DLGAP2: variants seen among roughly 807,000 people sequenced by gnomAD.
The protein encoded by DLGAP2 is DLG associated protein 2, also known as disks large-associated protein 2.
DLGAP2 carries 26 observed loss-of-function variants against 100.3 expected under a neutral mutation model. The ratio of observed to expected loss-of-function variants is 0.26; its 90% CI spans 0.19 to 0.36. The LOEUF (loss-of-function observed/expected upper bound fraction) is 0.36. Among genes scored for constraint, DLGAP2 ranks in the 10% least tolerant of loss-of-function variants. DLGAP2 has a pLI of 1.00. For missense variants in DLGAP2, 1,858 were observed against 1,453.2 expected (o/e 1.28, Z -4.53); for synonymous variants, 886 against 630.1 (o/e 1.41, Z -6.08).
rs866468055 is a variant in DLGAP2, at chr8:1,316,199, C to G, written c.106+57316C>G. ...ACTCAGCAGCGTTTAAAAATAGAGC[C>G]TGTACGAGTGCAGCGTCTCTCCAAC... On this transcript the variant is annotated intron_variant, in intron 3 of 14. Coordinates refer to ENST00000637795, the MANE Select transcript of DLGAP2 (RefSeq NM_001346810.2). Among the ~76,000 whole-genome samples the G allele has an allele frequency of 8.6e-4, 93 of 108,182 alleles. 1 individual carries two copies. The highest frequency in any genetic ancestry group is 2.9e-3 in the African/African-American group (81 of 28,122). 71.0% of individuals were successfully genotyped at this position (108,182 alleles called of 152,430 possible).
chr8:1,619,217 C>G (rs1213154426), intron 6 of DLGAP2, among the ~76,000 whole-genome samples: 2 of 152,184 alleles, frequency 1.3e-5, no homozygotes, highest in Non-Finnish European at 2.9e-5. Flanking sequence ...AGAAGATACA[C>G]AAATGTCCAA....
chr8:1,364,100 C>T (rs560976288), intron 3 of DLGAP2, among the ~76,000 whole-genome samples: 29 of 152,316 alleles, frequency 1.9e-4, no homozygotes, highest in African/African-American at 7.0e-4. Flanking sequence ...TTTGGGATAA[C>T]ACAGCTCTCG....
At chr8:930,365 C>T (rs1275600982) in intron 2 of DLGAP2, among the ~76,000 whole-genome samples, 1 of 151,596 alleles carries the variant, frequency 6.6e-6, no homozygotes, top group African/African-American at 2.4e-5. Flanking sequence ...TTATTGTGTC[C>T]TACAGAGAGA....
At chr8:1,183,631 T>G (rs922481418) in intron 2 of DLGAP2, among the ~76,000 whole-genome samples, 4 of 152,210 alleles carry the variant, frequency 2.6e-5, no homozygotes, top group African/African-American at 7.2e-5. Flanking sequence ...GCACCGCTCC[T>G]GGCTTGAGTA....
intron 2 of DLGAP2, among the ~76,000 whole-genome samples, chr8:1,229,745 A>G (rs1023088886): frequency 2.0e-5 from 3 of 152,232 alleles, no homozygotes; most frequent in African/African-American, 4.8e-5. Flanking sequence ...AGTTCACCAC[A>G]TAAACAGAAT....
intron 4 of DLGAP2, among the ~76,000 whole-genome samples, chr8:1,512,865 C>G (rs958165863): frequency 3.3e-5 from 5 of 152,260 alleles, no homozygotes; most frequent in African/African-American, 4.8e-5. Flanking sequence ...GACCCTGATC[C>G]TGGAAAGTGA....
intron 1 of DLGAP2, among the ~76,000 whole-genome samples, chr8:811,495 C>T (rs1434152235): frequency 6.7e-6 from 1 of 149,008 alleles, no homozygotes; most frequent in African/African-American, 2.5e-5. Context: ...GCCAGGGCTC[C>T]TGCCGTGGTG....
chr8:1,409,146 G>T (rs1442344343), intron 3 of DLGAP2, among the ~76,000 whole-genome samples: 1 of 89,106 alleles, frequency 1.1e-5, no homozygotes, highest in Non-Finnish European at 2.6e-5. Flanking sequence ...GCTCCCCTTG[G>T]ACCACTGCCC....
chr8:804,885 C>T (rs1340347269), intron 1 of DLGAP2, among the ~76,000 whole-genome samples: 1 of 152,166 alleles, frequency 6.6e-6, no homozygotes, highest in Non-Finnish European at 1.5e-5. Flanking sequence ...CCCACCTCAA[C>T]CACTGAGTAG....
At chr8:890,335 TGTC>T (rs933895357) in intron 1 of DLGAP2, among the ~76,000 whole-genome samples, 4 of 152,098 alleles carry the variant, frequency 2.6e-5, no homozygotes, top group African/African-American at 9.7e-5. Context: ...TGTGACCACT[TGTC>T]GTTGCAGGCG....
intron 2 of DLGAP2, among the ~76,000 whole-genome samples, chr8:1,118,442 C>G (rs1795950620): frequency 6.6e-6 from 1 of 152,156 alleles, no homozygotes; most frequent in South Asian, 2.1e-4. Flanking sequence ...CAAGAAAAGC[C>G]TAATTTATTT....
intron 2 of DLGAP2, among the ~76,000 whole-genome samples, chr8:1,100,547 T>G (rs918014650): frequency 1.3e-5 from 2 of 151,712 alleles, no homozygotes; most frequent in African/African-American, 2.4e-5. Context: ...TACCCACAGT[T>G]TCAGGCACCC....
At chr8:1,442,667 A>G (rs1038153625) in intron 3 of DLGAP2, among the ~76,000 whole-genome samples, 7 of 145,452 alleles carry the variant, frequency 4.8e-5, no homozygotes, top group Non-Finnish European at 6.0e-5. Context: ...GGATCCGGGC[A>G]TAGACCCGCC....
intron 6 of DLGAP2, among the ~76,000 whole-genome samples, chr8:1,583,597 C>T (rs1406982100): frequency 6.6e-6 from 1 of 152,114 alleles, no homozygotes. Flanking sequence ...GATGAAAGAC[C>T]CTTCAGAGCC....
intron 2 of DLGAP2, among the ~76,000 whole-genome samples, chr8:1,220,165 G>C (rs1002980361): frequency 2.0e-5 from 3 of 152,036 alleles, no homozygotes; most frequent in African/African-American, 7.2e-5. Context: ...GGTTAGGTTT[G>C]CTCTTGGTTT....
chr8:1,705,049 C>T lies in DLGAP2; in HGVS notation c.*3643C>T, dbSNP rs866420117. On this transcript the variant is annotated 3_prime_UTR_variant, in exon 15 of 15. Transcript: ENST00000637795. The stretch of plus-strand genomic sequence containing the variant: ...GTTTTTGTTAGATCCTTGTAAGCAT[C>T]GCTACCCGAGTCCAGGATGGAATTT... The T allele has an allele frequency of 1.3e-5, 2 of 152,340 alleles. No homozygotes were observed. Among genetic ancestry groups the T allele is most frequent in the South Asian group, 4.1e-4 (2 of 4,832 alleles). The allele number at this position is 152,340 out of a possible 1,614,324, so 9.4% of individuals were successfully genotyped here.
chr8:1,502,739 G>A (rs1200436979), intron 4 of DLGAP2, among the ~76,000 whole-genome samples: 2 of 152,316 alleles, frequency 1.3e-5, no homozygotes, highest in African/African-American at 2.4e-5. Context: ...CTCATTTGAC[G>A]TTTGTTTTCT....
chr8:946,291 TCTCA>T (rs1434832707), intron 2 of DLGAP2, among the ~76,000 whole-genome samples: 1 of 150,366 alleles, frequency 6.7e-6, no homozygotes, highest in South Asian at 2.1e-4. Context: ...TTTTTGACAG[TCTCA>T]CTCTGTCATC....
chr8:1,221,590 G>C (rs1323248593), intron 2 of DLGAP2, among the ~76,000 whole-genome samples: 1 of 152,010 alleles, frequency 6.6e-6, no homozygotes, highest in Non-Finnish European at 1.5e-5. Context: ...TTGTCGTCTT[G>C]TATATTATCT....
Sources: allele counts gnomAD v4.1 joint callset (sites outside exome capture counted in the v4.1 genomes callset), GRCh38; gene constraint gnomAD v4.1.1; transcripts MANE v1.5; gene names NCBI Gene and HGNC (gene_info 2026-07-23, HGNC 2026-07-21).